PCLO: variants seen among roughly 807,000 people sequenced by gnomAD.
PCLO encodes the protein protein piccolo.
A neutral mutation model predicts 427.5 loss-of-function variants in PCLO; 82 were observed. The ratio of observed to expected loss-of-function variants is 0.19; its 90% CI spans 0.16 to 0.23. PCLO has a LOEUF of 0.23. Among genes scored for constraint, PCLO ranks in the 10% least tolerant of loss-of-function variants. The pLI is 1.00. For synonymous variants in PCLO, 2,357 were observed against 2,155.4 expected (o/e 1.09, Z -2.59); for missense variants, 6,239 against 6,115.9 (o/e 1.02, Z -0.67).
chr7:82,916,195 C>T lies in PCLO; in HGVS notation c.11791G>A (p.Val3931Met), dbSNP rs1180504539. The T allele has an allele frequency of 6.2e-7, 1 of 1,613,568 alleles. No individual in the cohort carries two copies. Among genetic ancestry groups the T allele is most frequent in the Non-Finnish European group, 8.5e-7 (1 of 1,179,700 alleles). The change falls in exon 7 of 25, where the codon GTG (valine) becomes ATG (methionine). Residue 3931 changes from valine (V) to methionine (M), a missense_variant. Val to Met is a conservative substitution (Grantham distance 21). Coordinates refer to ENST00000333891, the MANE Select transcript of PCLO (RefSeq NM_033026.6). Reference protein sequence around the residue: ...PYQTQPTFQAVATMSFTPQVQ... With the variant: ...PYQTQPTFQAMATMSFTPQVQ... ...TGAGGTGTGAAGGACATTGTTGCCA[C>T]AGCTTGGAATGTTGGCTGAGTCTGA...
At position 82,801,526 on chromosome 7, in the gene PCLO, T is replaced by C. The variant is rs569988068; in HGVS notation, c.14999A>G (p.Asp5000Gly). ...KQPGVGVGLA[D>G]TEAKTQVMGE... ...TGTAAATTTTTACTTACCTTCAGTG[T>C]CTGCTAGTCCTACTCCTACCCCTGG... The change falls in exon 22 of 25, where the codon GAC (aspartate) becomes GGC (glycine). Residue 5000 changes from aspartate (D) to glycine (G), a missense_variant. Coordinates refer to ENST00000333891, the MANE Select transcript of PCLO (RefSeq NM_033026.6). 337 of 1,565,748 alleles carry C rather than the reference T, an allele frequency of 2.2e-4. 4 individuals carry two copies. The South Asian group carries it at 3.5e-3, about 16-fold the overall frequency.
At chr7:82,918,805 G>A (rs142202216) in intron 6 of PCLO, among the ~76,000 whole-genome samples, 8 of 152,060 alleles carry the variant, frequency 5.3e-5, no homozygotes, top group South Asian at 2.1e-4. Flanking sequence ...ACTCACGACC[G>A]TGATGCCTAA....
chr7:82,838,727 A>G (rs1042864475), intron 14 of PCLO, among the ~76,000 whole-genome samples: 2 of 151,998 alleles, frequency 1.3e-5, no homozygotes, highest in Admixed American at 1.3e-4. Flanking sequence ...TAATTGGTAA[A>G]TTATTATAAA....
chr7:82,815,395 T>C (rs1451329584), intron 20 of PCLO, among the ~76,000 whole-genome samples: 2 of 152,020 alleles, frequency 1.3e-5, no homozygotes, highest in South Asian at 2.1e-4. Flanking sequence ...TCATTGGCAA[T>C]GAGGATGCTT....
chr7:82,907,206 T>C (rs1478055494), intron 8 of PCLO, among the ~76,000 whole-genome samples: 2 of 151,982 alleles, frequency 1.3e-5, no homozygotes, highest in Non-Finnish European at 2.9e-5. Context: ...GTGGAAACAG[T>C]AGTGTTGATA....
At chr7:82,894,871 C>G (rs1480144197) in intron 9 of PCLO, among the ~76,000 whole-genome samples, 1 of 151,884 alleles carries the variant, frequency 6.6e-6, no homozygotes, top group Admixed American at 6.6e-5. Context: ...TCAATATATC[C>G]CTGGGTAAAT....
intron 2 of PCLO, among the ~76,000 whole-genome samples, chr7:83,139,150 T>C (rs913261651): frequency 1.3e-5 from 2 of 152,044 alleles, no homozygotes; most frequent in Admixed American, 6.6e-5. Context: ...TAAATATCAC[T>C]AAACACATAG....
intron 3 of PCLO, among the ~76,000 whole-genome samples, chr7:83,131,708 A>G (rs1791577306): frequency 6.6e-6 from 1 of 152,074 alleles, no homozygotes. Flanking sequence ...CTGGCATGGA[A>G]GTACGGTACT....
intron 8 of PCLO, among the ~76,000 whole-genome samples, chr7:82,906,055 G>GA (rs58979302): frequency 0.012 from 1,472 of 127,242 alleles, 30 homozygotes; most frequent in African/African-American, 0.04. Context: ...AGATAGATAG[G>GA]TACACACACA....
chr7:82,887,589 C>T (rs1201597679), intron 9 of PCLO, among the ~76,000 whole-genome samples: 1 of 152,118 alleles, frequency 6.6e-6, no homozygotes, highest in African/African-American at 2.4e-5. Flanking sequence ...ATGTCACTTC[C>T]TTAGCAGGAA....
chr7:82,801,425 C>T (rs1029413702), intron 22 of PCLO, 93 bp downstream of exon 22: 4 of 702,886 alleles, frequency 5.7e-6, no homozygotes, highest in Non-Finnish European at 1.0e-5. Context: ...TAGTTTGTAA[C>T]ATTTAAATTC....
At chr7:82,878,017 TG>T (rs1183786261) in intron 10 of PCLO, among the ~76,000 whole-genome samples, 1 of 152,182 alleles carries the variant, frequency 6.6e-6, no homozygotes, top group Non-Finnish European at 1.5e-5. Flanking sequence ...GGTGATGTGC[TG>T]GTAAGCTGGC....
intron 22 of PCLO, among the ~76,000 whole-genome samples, chr7:82,784,354 T>C (rs1790938632): frequency 6.6e-6 from 1 of 152,176 alleles, no homozygotes; most frequent in Non-Finnish European, 1.5e-5. Flanking sequence ...GAACGTTATT[T>C]GTAGGATTCA....
intron 8 of PCLO, among the ~76,000 whole-genome samples, chr7:82,908,487 C>T (rs1311977424): frequency 6.6e-6 from 1 of 152,078 alleles, no homozygotes; most frequent in Admixed American, 6.6e-5. Flanking sequence ...CTCGGTTTGG[C>T]CATGCTCTCA....
At chr7:83,096,827 A>T (rs1303192007) in intron 3 of PCLO, among the ~76,000 whole-genome samples, 1 of 55,796 alleles carries the variant, frequency 1.8e-5, no homozygotes, top group Non-Finnish European at 3.0e-5. Flanking sequence ...ATAAATATAT[A>T]AAAATATATT....
intron 3 of PCLO, among the ~76,000 whole-genome samples, chr7:82,980,758 AC>A (rs1796128808): frequency 6.6e-6 from 1 of 152,208 alleles, no homozygotes; most frequent in African/African-American, 2.4e-5. Context: ...GAATGAGGGA[AC>A]TGACATTGCC....
intron 9 of PCLO, among the ~76,000 whole-genome samples, chr7:82,898,142 G>T (rs1562844291): frequency 6.6e-6 from 1 of 151,476 alleles, no homozygotes; most frequent in Non-Finnish European, 1.5e-5. Context: ...AATTTTCACA[G>T]CTACTTCTGT....
chr7:83,064,203 T>A (rs1483556284), intron 3 of PCLO, among the ~76,000 whole-genome samples: 1 of 151,954 alleles, frequency 6.6e-6, no homozygotes, highest in Admixed American at 6.6e-5. Flanking sequence ...CACTTAAATA[T>A]ACCATAAGAG....
chr7:83,076,636 T>C (rs1463060756), intron 3 of PCLO, among the ~76,000 whole-genome samples: 2 of 142,334 alleles, frequency 1.4e-5, no homozygotes, highest in Non-Finnish European at 3.0e-5. Context: ...TTTTTTTTTT[T>C]TTTGCAGTTT....
Sources: gnomAD v4.1 joint callset for allele counts (sites outside exome capture counted in the v4.1 genomes callset) on GRCh38, gnomAD v4.1.1 for gene constraint, MANE v1.5 for transcripts, NCBI Gene and HGNC (gene_info 2026-07-23, HGNC 2026-07-21) for gene names.